PDZRN3: variants seen among roughly 807,000 people sequenced by gnomAD.
PDZRN3 encodes E3 ubiquitin-protein ligase PDZRN3.
PDZRN3 carries 38 observed loss-of-function variants against 85.7 expected under a neutral mutation model. That is an observed-to-expected ratio of 0.44 (90% CI 0.34 to 0.58). PDZRN3 has a LOEUF of 0.58. Among genes scored for constraint, PDZRN3 ranks in the 20% least tolerant of loss-of-function variants. The pLI is 0.01. For synonymous variants in PDZRN3, 759 were observed against 638.0 expected (o/e 1.19, Z -2.86); for missense variants, 1,629 against 1,506.4 (o/e 1.08, Z -1.35).
chr3:73,515,989 C>A (rs1346037085), intron 3 of PDZRN3, among the ~76,000 whole-genome samples: 5 of 152,186 alleles, frequency 3.3e-5, no homozygotes, highest in Admixed American at 2.0e-4. Flanking sequence ...TAAGAAATAA[C>A]TTCTATAAAT....
intron 3 of PDZRN3, among the ~76,000 whole-genome samples, chr3:73,579,742 G>C (rs1451513812): frequency 6.6e-6 from 1 of 152,154 alleles, no homozygotes; most frequent in Non-Finnish European, 1.5e-5. Flanking sequence ...TGTAATAAGG[G>C]TGCAACTGAG....
At chr3:73,435,771 T>G (rs1158013890) in intron 3 of PDZRN3, among the ~76,000 whole-genome samples, 1 of 152,162 alleles carries the variant, frequency 6.6e-6, no homozygotes, top group Non-Finnish European at 1.5e-5. Flanking sequence ...CTACCCTAGT[T>G]CATTCCCTAC....
intron 3 of PDZRN3, among the ~76,000 whole-genome samples, chr3:73,448,342 A>G (rs1702791598): frequency 6.6e-6 from 1 of 152,244 alleles, no homozygotes; most frequent in Non-Finnish European, 1.5e-5. Flanking sequence ...TGCAGCATTA[A>G]TGGTAAATGC....
In PDZRN3 at chr3:73,404,189, A is replaced by G. The variant is rs200646242; in HGVS notation, c.1125T>C (p.Ser375=). Residue 375 remains serine (S), a synonymous_variant, in exon 4 of 10, where the codon TCT becomes TCC. Transcript: ENST00000263666. The part of the protein sequence containing the change: ...EHIMALTKMS[S]PSPPVLDPYL... ...AGGGATCCAGCACGGGTGGGCTGGG[A>G]GAGGACATCTTAGTGAGGGCCATGA... 2.8e-5 allele frequency: 45 copies of G among 1,614,076 alleles called. No homozygotes were observed. In the East Asian group the frequency reaches 8.7e-4, roughly 31 times the overall value.
chr3:73,388,095 G>C, intron 7 of PDZRN3, 26 bp from the exon 8 acceptor site: 27 of 1,006,280 alleles, frequency 2.7e-5, no homozygotes, highest in Non-Finnish European at 3.7e-5. Context: ...GGGGGGTGGG[G>C]AGAGTGGGGA....
At chr3:73,525,605 T>G (rs1224152337) in intron 3 of PDZRN3, among the ~76,000 whole-genome samples, 3 of 152,216 alleles carry the variant, frequency 2.0e-5, no homozygotes, top group Non-Finnish European at 4.4e-5. Flanking sequence ...GGAATACGTT[T>G]TAAGCTCAAA....
chr3:73,502,021 A>T (rs1703989745), intron 3 of PDZRN3, among the ~76,000 whole-genome samples: 1 of 139,146 alleles, frequency 7.2e-6, no homozygotes, highest in Non-Finnish European at 1.5e-5. Flanking sequence ...TATCAAAATA[A>T]ATAAATGAAA....
intron 3 of PDZRN3, among the ~76,000 whole-genome samples, chr3:73,459,103 T>A (rs1002436089): frequency 6.6e-6 from 1 of 152,070 alleles, no homozygotes. Flanking sequence ...GGAAGGCACC[T>A]CTTCACAGGG....
chr3:73,605,926 TA>T (rs1559755659), intron 2 of PDZRN3, among the ~76,000 whole-genome samples: 1 of 152,162 alleles, frequency 6.6e-6, no homozygotes, highest in Non-Finnish European at 1.5e-5. Context: ...GCACCTTTTG[TA>T]AAAAAGAAAA....
intron 3 of PDZRN3, among the ~76,000 whole-genome samples, chr3:73,594,494 T>C (rs1702405428): frequency 6.6e-6 from 1 of 152,182 alleles, no homozygotes; most frequent in Non-Finnish European, 1.5e-5. Flanking sequence ...GTTTCCTTGG[T>C]CCACCCAGAT....
chr3:73,477,551 A>G (rs1229784667), intron 3 of PDZRN3, among the ~76,000 whole-genome samples: 1 of 152,220 alleles, frequency 6.6e-6, no homozygotes, highest in Non-Finnish European at 1.5e-5. Context: ...ATGTGCAAAA[A>G]TGTTCTCCAA....
At chr3:73,408,641 G>A (rs1165726218) in intron 3 of PDZRN3, among the ~76,000 whole-genome samples, 2 of 152,022 alleles carry the variant, frequency 1.3e-5, no homozygotes, top group East Asian at 1.9e-4. Context: ...TGCCACATGA[G>A]CTTCTTGACA....
intron 3 of PDZRN3, among the ~76,000 whole-genome samples, chr3:73,464,615 C>T (rs1313365483): frequency 2.0e-5 from 3 of 152,004 alleles, no homozygotes; most frequent in Non-Finnish European, 4.4e-5. Context: ...CTAGAATCCC[C>T]AGTACAACGT....
intron 1 of PDZRN3, among the ~76,000 whole-genome samples, chr3:73,617,864 CCTGG>C (rs1448173896): frequency 6.6e-6 from 1 of 152,192 alleles, no homozygotes; most frequent in Admixed American, 6.5e-5. Context: ...CACCAGCACA[CCTGG>C]CTAATTTTTG....
intron 3 of PDZRN3, among the ~76,000 whole-genome samples, chr3:73,451,179 C>G (rs151228815): frequency 0.016 from 2,444 of 152,276 alleles, 33 homozygotes; most frequent in Non-Finnish European, 0.023. Context: ...GGGTGGGGAG[C>G]AGGCCCCTGG....
chr3:73,574,835 T>A (rs1702099880), intron 3 of PDZRN3, among the ~76,000 whole-genome samples: 1 of 152,194 alleles, frequency 6.6e-6, no homozygotes, highest in South Asian at 2.1e-4. Context: ...TCCCCCCTCA[T>A]CTAGCCCCTT....
chr3:73,391,779 T>C (rs757714538), intron 5 of PDZRN3, among the ~76,000 whole-genome samples: 2 of 152,148 alleles, frequency 1.3e-5, no homozygotes, highest in Non-Finnish European at 2.9e-5. Flanking sequence ...CTTTGGAAAT[T>C]GTTGGAGCCT....
At chr3:73,560,082 G>T (rs1701784151) in intron 3 of PDZRN3, among the ~76,000 whole-genome samples, 1 of 152,204 alleles carries the variant, frequency 6.6e-6, no homozygotes, top group Non-Finnish European at 1.5e-5. Context: ...ACCAGACAGT[G>T]CCTGCTCTCA....
intron 5 of PDZRN3, among the ~76,000 whole-genome samples, chr3:73,396,299 A>G (rs1398398656): frequency 1.3e-5 from 2 of 152,150 alleles, no homozygotes; most frequent in African/African-American, 2.4e-5. Flanking sequence ...CTCTGGAGAG[A>G]TGACATTTGG....
Sources: gnomAD v4.1 joint callset for allele counts (sites outside exome capture counted in the v4.1 genomes callset) on GRCh38, gnomAD v4.1.1 for gene constraint, MANE v1.5 for transcripts, NCBI Gene and HGNC (gene_info 2026-07-23, HGNC 2026-07-21) for gene names.